Variants in METTL22 observed in about 807,000 individuals in gnomAD.
The protein encoded by METTL22 is methyltransferase-like protein 22.
METTL22 carries 51 observed loss-of-function variants against 48.4 expected under a neutral mutation model. The observed-to-expected ratio is 1.05, with a 90% confidence interval of 0.84 to 1.33. The LOEUF (loss-of-function observed/expected upper bound fraction) is 1.33, where lower values mean the gene tolerates loss of function less well. Among genes scored for constraint, METTL22 ranks in the 40% most tolerant of loss-of-function variants. METTL22 has a pLI of 0.00. For synonymous variants in METTL22, 255 were observed against 214.1 expected (o/e 1.19, Z -1.67); for missense variants, 678 against 526.9 (o/e 1.29, Z -2.81).
At position 8,642,513 on chromosome 16, in the gene METTL22, C is replaced by T. The variant is rs552840016; in HGVS notation, c.958C>T (p.Leu320Phe). The change falls in exon 9 of 11, where the codon CTC becomes TTC. Residue 320 changes from leucine to phenylalanine, a missense_variant. Coordinates refer to ENST00000381920, the MANE Select transcript of METTL22 (RefSeq NM_024109.4). ...TGCTGTGTTTAAAACGCTCTCCCGA[C>T]TCGCCCACAGATTGAAAAATGCCTG... Reference protein sequence around the residue: ...TDAVFKTLSRLAHRLKNACTA... With the variant: ...TDAVFKTLSRFAHRLKNACTA... 13 of 1,614,248 alleles carry T rather than the reference C, an allele frequency of 8.1e-6. No individual in the cohort carries two copies. The highest frequency in any genetic ancestry group is 1.7e-5 in the Admixed American group (1 of 60,034).
Position 8,646,364 on chromosome 16 carries a change from G to C in METTL22, c.*221G>C. ...GGGCTGGAGGTCACTTTAGTTGCCTGTTTCTCATGGTTGTGATGTGTGCTC... is the reference window on the plus strand; with the variant it reads ...GGGCTGGAGGTCACTTTAGTTGCCTCTTTCTCATGGTTGTGATGTGTGCTC... On this transcript the variant is annotated 3_prime_UTR_variant, in exon 11 of 11. Transcript: ENST00000381920. The C allele has an allele frequency of 7.1e-6, 5 of 707,036 alleles. No homozygotes were observed. The highest frequency in any genetic ancestry group is 1.3e-5 in the Non-Finnish European group (5 of 391,298). 43.8% of individuals were successfully genotyped at this position (707,036 alleles called of 1,614,324 possible).
chr16:8,640,138 C>T (rs2056551353), intron 6 of METTL22, among the ~76,000 whole-genome samples: 1 of 152,222 alleles, frequency 6.6e-6, no homozygotes, highest in Admixed American at 6.5e-5. Flanking sequence ...GGACTACAAG[C>T]TCTGTGGGTG....
Position 8,635,230 on chromosome 16 carries a change from A to G in METTL22, c.618A>G (p.Gly206=), listed in dbSNP as rs1036375753. The change falls in exon 5 of 11, where the codon GGA becomes GGG. Residue 206 remains glycine, a synonymous_variant. Coordinates refer to ENST00000381920, the MANE Select transcript of METTL22 (RefSeq NM_024109.4). ...TGTTCCGACAGGACCTCTTCCGAGG[A>G]TGTACAGCGCTGGAGCTCGGGGCCG... ...YILFRQDLFR[G]CTALELGAGT... 3 of 1,611,296 alleles carry G rather than the reference A, an allele frequency of 1.9e-6. No individual in the cohort carries two copies. In the South Asian group the frequency reaches 3.3e-5, roughly 18 times the overall value.
At chr16:8,642,380 T>C (rs2056647574) in intron 8 of METTL22, 83 bp from the exon 9 acceptor site, 3 of 1,376,830 alleles carry the variant, frequency 2.2e-6, no homozygotes. Flanking sequence ...ATAAGCATTC[T>C]CTCTGTGCGG....
chr16:8,658,784 T>C, the METTL22 span, among the ~76,000 whole-genome samples: 1 of 152,308 alleles, frequency 6.6e-6, no homozygotes, highest in East Asian at 1.9e-4. Flanking sequence ...ACACCCACTC[T>C]GGGAGGTCAT....
the METTL22 span, among the ~76,000 whole-genome samples, chr16:8,665,740 C>G: frequency 5.9e-5 from 9 of 152,296 alleles, no homozygotes; most frequent in African/African-American, 9.6e-5. Flanking sequence ...ACCAGAAGAC[C>G]AATCGGGCCC....
chr16:8,639,254 C>T (rs2056518954), intron 6 of METTL22, 92 bp downstream of exon 6: 4 of 1,276,742 alleles, frequency 3.1e-6, no homozygotes, highest in Non-Finnish European at 4.6e-6. Flanking sequence ...GGAGGCAGGG[C>T]TCCGTCTGTG....
intron 5 of METTL22, among the ~76,000 whole-genome samples, chr16:8,637,455 G>T (rs1388523745): frequency 6.6e-6 from 1 of 152,252 alleles, no homozygotes; most frequent in Non-Finnish European, 1.5e-5. Flanking sequence ...AAGAAAGCTT[G>T]CATTTAGATG....
At chr16:8,666,725 G>A in the METTL22 span, 1 of 151,786 alleles carries the variant, frequency 6.6e-6, no homozygotes, top group African/African-American at 2.4e-5. Context: ...TCCAGAGTTT[G>A]AGGATATAAC....
intron 3 of METTL22, among the ~76,000 whole-genome samples, chr16:8,631,015 C>T (rs1212534310): frequency 6.6e-6 from 1 of 152,216 alleles, no homozygotes; most frequent in Non-Finnish European, 1.5e-5. Context: ...GTCAGAACCA[C>T]GTGATCAGGG....
chr16:8,660,399 G>A, the METTL22 span, among the ~76,000 whole-genome samples: 7 of 151,920 alleles, frequency 4.6e-5, no homozygotes, highest in Middle Eastern at 3.4e-3. Context: ...GGCTGGTCTC[G>A]AACTCCTGAC....
the METTL22 span, among the ~76,000 whole-genome samples, chr16:8,662,030 G>T: frequency 1.4e-5 from 2 of 145,702 alleles, no homozygotes; most frequent in East Asian, 4.0e-4. Context: ...GATCACTTGA[G>T]TCCAGGAGTT....
the METTL22 span, among the ~76,000 whole-genome samples, chr16:8,664,030 C>T: frequency 1.3e-5 from 2 of 152,084 alleles, no homozygotes; most frequent in Non-Finnish European, 2.9e-5. Context: ...CAGTTAATAA[C>T]CACTGGGCTA....
chr16:8,652,692 T>TG (rs1308972899), downstream of METTL22, among the ~76,000 whole-genome samples: 5 of 151,900 alleles, frequency 3.3e-5, no homozygotes, highest in African/African-American at 1.2e-4. Flanking sequence ...AAAAAAATTT[T>TG]TTTAATTTTA....
chr16:8,650,024 G>A (rs1401645492), downstream of METTL22, among the ~76,000 whole-genome samples: 1 of 152,116 alleles, frequency 6.6e-6, no homozygotes, highest in Non-Finnish European at 1.5e-5. Context: ...TGTCATCCCT[G>A]GTTAAGAGCA....
In METTL22 at chr16:8,623,165, T is replaced by C. The variant is rs9929381; in HGVS notation, c.-171+1390T>C. On this transcript the variant is annotated intron_variant, in intron 1 of 10. Coordinates refer to ENST00000381920, the MANE Select transcript of METTL22 (RefSeq NM_024109.4). ...CCCATCTTTACTAAAAATACAAAAA[T>C]TAGGTGGACATTGTGGTGCATGCCT... 5.7e-3 allele frequency among the ~76,000 whole-genome samples: 869 copies of C among 151,884 alleles called. 12 individuals carry two copies. The highest frequency in any genetic ancestry group is 0.02 in the African/African-American group (832 of 41,408).
rs2056800405 is a variant in METTL22, at chr16:8,646,371, A to G, written c.*228A>G. 4 of 700,976 alleles carry G rather than the reference A, an allele frequency of 5.7e-6. No homozygotes were observed. Among genetic ancestry groups the G allele is most frequent in the Non-Finnish European group, 7.8e-6 (3 of 386,378 alleles). The allele number at this position is 700,976 out of a possible 1,614,324, so 43.4% of individuals were successfully genotyped here. A position where few individuals can be genotyped will look rare whatever the true frequency, so the allele number is the denominator to read the frequency against. ...AGGTCACTTTAGTTGCCTGTTTCTC[A>G]TGGTTGTGATGTGTGCTCCAGGGTC... On this transcript the variant is annotated 3_prime_UTR_variant, in exon 11 of 11. Transcript: ENST00000381920.
chr16:8,667,195 C>G, the METTL22 span: 2 of 151,882 alleles, frequency 1.3e-5, no homozygotes, highest in Non-Finnish European at 2.9e-5. Context: ...GGGAAGAGTT[C>G]AATCTCAGTT....
At position 8,647,685 on chromosome 16, in the gene METTL22, C is replaced by G. The variant is rs956395564; in HGVS notation, c.*1542C>G. ...AAATCCTGACTTGGAAGAAGAAAGC[C>G]AAGTACTTTAGAGAAGAAAAACGGT... On this transcript the variant is annotated 3_prime_UTR_variant, in exon 11 of 11. Transcript: ENST00000381920. 2.0e-5 allele frequency: 3 copies of G among 152,206 alleles called. No individual in the cohort carries two copies. The highest frequency in any genetic ancestry group is 7.2e-5 in the African/African-American group (3 of 41,442). The allele number at this position is 152,206 out of a possible 1,614,324, so 9.4% of individuals were successfully genotyped here.
Sources: allele counts gnomAD v4.1 joint callset (sites outside exome capture counted in the v4.1 genomes callset), GRCh38; gene constraint gnomAD v4.1.1; transcripts MANE v1.5; gene names NCBI Gene and HGNC (gene_info 2026-07-23, HGNC 2026-07-21).